Variants in SYPL2 observed in about 807,000 individuals in gnomAD.
The protein encoded by SYPL2 is synaptophysin like 2, also known as synaptophysin-like protein 2.
SYPL2 carries 24 observed loss-of-function variants against 31.3 expected under a neutral mutation model. That is an observed-to-expected ratio of 0.77 (90% CI 0.56 to 1.08). SYPL2 has a LOEUF of 1.08. SYPL2 is among the 50% of genes least tolerant of loss of function. The pLI, the probability that SYPL2 is intolerant of heterozygous loss-of-function variation, is 0.00. For missense variants in SYPL2, 342 were observed against 360.1 expected (o/e 0.95, Z 0.41); for synonymous variants, 144 against 143.1 (o/e 1.01, Z -0.05).
chr1:109,479,368 G>A lies in SYPL2; in HGVS notation c.649-10G>A. On this transcript the variant is annotated splice_polypyrimidine_tract_variant and intron_variant, in intron 5 of 5. Transcript: ENST00000369872. ...GACTATTCTCACAAATTCCCCTGAT[G>A]TCTTTGCAGCTCTTTGGCTTTATCA... is the stretch of plus-strand genomic sequence containing the variant. 1 of 1,613,302 alleles carries A rather than the reference G, an allele frequency of 6.2e-7. No individual in the cohort carries two copies. The highest frequency in any genetic ancestry group is 8.5e-7 in the Non-Finnish European group (1 of 1,179,442).
In SYPL2 at chr1:109,466,751, C is replaced by G; in HGVS notation, c.-93C>G. On this transcript the variant is annotated 5_prime_UTR_variant, in exon 1 of 6. Transcript: ENST00000369872. ...CCGGCCCCGCTCGCCTGCTCTGCCC[C>G]GGACCTGCAGCTCCCCGCTCCCCCG... The G allele has an allele frequency of 6.6e-6, 9 of 1,362,152 alleles. No homozygotes were observed. The highest frequency in any genetic ancestry group is 8.6e-6 in the Non-Finnish European group (9 of 1,048,256). The allele number at this position is 1,362,152 out of a possible 1,614,324, so 84.4% of individuals were successfully genotyped here. A position where few individuals can be genotyped will look rare whatever the true frequency, so the allele number is the denominator to read the frequency against.
In SYPL2 at chr1:109,480,151, G is replaced by C. The variant is rs1656120927; in HGVS notation, c.*603G>C. On this transcript the variant is annotated 3_prime_UTR_variant, in exon 6 of 6. Coordinates refer to ENST00000369872, the MANE Select transcript of SYPL2 (RefSeq NM_001040709.2). ...ATGTGTGAACCAGAGAGGTCCACCA[G>C]CCTAGAAAACAGCCCTTCAGAGGGT... 6.6e-6 allele frequency: 1 copy of C among 152,384 alleles called. No homozygotes were observed. The highest frequency in any genetic ancestry group is 2.4e-5 in the African/African-American group (1 of 41,434). The allele number at this position is 152,384 out of a possible 1,614,324, so 9.4% of individuals were successfully genotyped here.
At position 109,477,889 on chromosome 1, in the gene SYPL2, C is replaced by G. The variant is rs376811687; in HGVS notation, c.528C>G (p.Thr176=). The change falls in exon 5 of 6, where the codon ACC becomes ACG. Residue 176 remains threonine, a synonymous_variant. Coordinates refer to ENST00000369872, the MANE Select transcript of SYPL2 (RefSeq NM_001040709.2). Reference sequence around the variant, plus strand: ...CAGCTGCCTGGGGCAAGGGCCTGACCGATGTCAAGGGGGCCACACGACCAT... The same window carrying G: ...CAGCTGCCTGGGGCAAGGGCCTGACGGATGTCAAGGGGGCCACACGACCAT... ...VAAAAWGKGL[T]DVKGATRPSS... is the part of the protein sequence containing the mutation. 124 of 1,614,052 alleles carry G rather than the reference C, an allele frequency of 7.7e-5. No individual in the cohort carries two copies. The highest frequency in any genetic ancestry group is 1.6e-4 in the Middle Eastern group (1 of 6,084).
At chr1:109,479,319 T>G in intron 5 of SYPL2, 59 bp from the exon 6 acceptor site, 3 of 1,579,786 alleles carry the variant, frequency 1.9e-6, no homozygotes, top group Non-Finnish European at 2.6e-6. Flanking sequence ...GAACTCCCCC[T>G]CCCTGTTCCC....
In SYPL2 at chr1:109,477,971, G is replaced by A. The variant is rs753507681; in HGVS notation, c.610G>A (p.Gly204Arg). Residue 204 changes from glycine (G) to arginine (R), a missense_variant, in exon 5 of 6, where the codon GGG (glycine) becomes AGG (arginine). Transcript: ENST00000369872. The stretch of plus-strand genomic sequence containing the variant: ...TGGAGAGGAAGCAGTGTGCAGTGCC[G>A]GGGCCACGCCCTCTATGGGCCTGGC... Reference protein sequence around the residue: ...CHGEEAVCSAGATPSMGLANI... With the variant: ...CHGEEAVCSARATPSMGLANI... The A allele has an allele frequency of 3.0e-5, 48 of 1,614,076 alleles. No individual in the cohort carries two copies. The highest frequency in any genetic ancestry group is 5.3e-5 in the African/African-American group (4 of 74,934).
At chr1:109,475,807 G>T in intron 3 of SYPL2, 102 bp downstream of exon 3, 2 of 1,474,724 alleles carry the variant, frequency 1.4e-6, no homozygotes, top group Non-Finnish European at 1.8e-6. Context: ...CATTCATTGC[G>T]TGCCACTCCA....
Position 109,475,719 on chromosome 1 carries a change from G to A in SYPL2, c.254+14G>A, listed in dbSNP as rs199626525. 1.7e-4 allele frequency: 281 copies of A among 1,610,722 alleles called. No individual in the cohort carries two copies. The highest frequency in any genetic ancestry group is 2.3e-4 in the Non-Finnish European group (271 of 1,177,556). On this transcript the variant is annotated intron_variant, in intron 3 of 5. Transcript: ENST00000369872. ...CTATCCCTTCAGGTGAGCAAGAATT[G>A]GTTCCAACCCAGCACATCATCTCTC...
chr1:109,479,266 C>G (rs994500658), intron 5 of SYPL2, 112 bp from the exon 6 acceptor site: 3 of 1,203,918 alleles, frequency 2.5e-6, no homozygotes, highest in Non-Finnish European at 3.6e-6. Flanking sequence ...TTCTAGTCCT[C>G]TGTGCTTCTT....
intron 3 of SYPL2, 86 bp downstream of exon 3, chr1:109,475,791 A>G (rs1237978491): frequency 2.6e-6 from 4 of 1,533,852 alleles, no homozygotes; most frequent in African/African-American, 1.4e-5. Context: ...CCAGAAACCT[A>G]AAAACCATTC....
In SYPL2 at chr1:109,481,121, A is replaced by G. The variant is rs74805910; in HGVS notation, c.*1573A>G. ...CTCTCTAAACACCATCCATAGTAAC[A>G]TGTGCATTACTGGGGTACCTAGGAG... On this transcript the variant is annotated 3_prime_UTR_variant, in exon 6 of 6. Transcript: ENST00000369872. 1,016 of 152,726 alleles carry G rather than the reference A, an allele frequency of 6.7e-3. 11 individuals carry two copies. The highest frequency in any genetic ancestry group is 0.018 in the African/African-American group (748 of 41,546). The allele number at this position is 152,726 out of a possible 1,614,324, so 9.5% of individuals were successfully genotyped here.
At position 109,477,081 on chromosome 1, in the gene SYPL2, C is replaced by G. The variant is rs574274999; in HGVS notation, c.456+104C>G. ...GGACAAGCATGGCGGCTTCCACCCC[C>G]ATGGTGGAACCTCTGCCTCCATCAA... On this transcript the variant is annotated intron_variant, in intron 4 of 5. Coordinates refer to ENST00000369872, the MANE Select transcript of SYPL2 (RefSeq NM_001040709.2). 4.4e-6 allele frequency: 6 copies of G among 1,351,352 alleles called. No individual in the cohort carries two copies. In the African/African-American group the frequency reaches 7.2e-5, roughly 16 times the overall value. The allele number at this position is 1,351,352 out of a possible 1,614,324, so 83.7% of individuals were successfully genotyped here.
At chr1:109,471,841 G>C (rs918895384) in intron 2 of SYPL2, among the ~76,000 whole-genome samples, 6 of 151,738 alleles carry the variant, frequency 4.0e-5, no homozygotes, top group Non-Finnish European at 8.8e-5. Flanking sequence ...TCAGCAGCTG[G>C]GACTACAGGC....
intron 2 of SYPL2, among the ~76,000 whole-genome samples, chr1:109,471,293 G>A (rs1655825222): frequency 6.6e-6 from 1 of 152,164 alleles, no homozygotes; most frequent in African/African-American, 2.4e-5. Flanking sequence ...ACTGTATAGT[G>A]TTCAGATTTA....
rs1348655670 is a variant in SYPL2, at chr1:109,478,205, C to G, written c.648+196C>G. ...AGAGGACATTTTGGGATGAGGGGAA[C>G]CCAAAAGCCACTTAGCCTTCTGTTC... On this transcript the variant is annotated intron_variant, in intron 5 of 5. Transcript: ENST00000369872. The surrounding 1 kb of genome is among the most constrained non-coding windows in gnomAD (Gnocchi z 4.0). 3.9e-6 allele frequency: 5 copies of G among 1,273,174 alleles called. No homozygotes were observed. Among genetic ancestry groups the G allele is most frequent in the Non-Finnish European group, 5.2e-6 (5 of 954,002 alleles). 78.9% of individuals were successfully genotyped at this position (1,273,174 alleles called of 1,614,324 possible).
chr1:109,467,066 G>A lies in SYPL2; in HGVS notation c.62G>A (p.Arg21His). The A allele has an allele frequency of 6.5e-7, 1 of 1,545,130 alleles. No individual in the cohort carries two copies. The highest frequency in any genetic ancestry group is 8.7e-7 in the Non-Finnish European group (1 of 1,146,032). ...CCGGCTGTGTCTCCGCAGGTGGACC[G>A]CCTACTCGTGGGGCTGCGCTGGCGG... is the stretch of plus-strand genomic sequence containing the variant. ...ADKSPRQQVD[R>H]LLVGLRWRRL... is the part of the protein sequence containing the mutation. The change falls in exon 2 of 6, where the codon CGC becomes CAC. Residue 21 changes from arginine (R) to histidine (H), a missense_variant. Arg to His is a conservative substitution (Grantham distance 29, BLOSUM62 0). Transcript: ENST00000369872.
chr1:109,476,574 T>C (rs1269982118), intron 3 of SYPL2, among the ~76,000 whole-genome samples: 1 of 152,160 alleles, frequency 6.6e-6, no homozygotes, highest in African/African-American at 2.4e-5. Context: ...GGGGAGCAGC[T>C]GAGGGGAAGG....
rs978829040 is a variant in SYPL2, at chr1:109,466,789, C to T, written c.-55C>T. ...CCCCGCTCCCCCGCCGTGTCCGCCGCCTCCCGGCCAGAGAGCCAAGCCACC... is the reference window on the plus strand; with the variant it reads ...CCCCGCTCCCCCGCCGTGTCCGCCGTCTCCCGGCCAGAGAGCCAAGCCACC... On this transcript the variant is annotated 5_prime_UTR_variant, in exon 1 of 6. Transcript: ENST00000369872. The T allele has an allele frequency of 1.4e-5, 20 of 1,477,196 alleles. No individual in the cohort carries two copies. In the African/African-American group the frequency reaches 2.5e-4, roughly 18 times the overall value. The allele number at this position is 1,477,196 out of a possible 1,614,324, so 91.5% of individuals were successfully genotyped here.
In SYPL2 at chr1:109,476,770, C is replaced by A; in HGVS notation, c.255-6C>A. 1.2e-6 allele frequency: 2 copies of A among 1,613,812 alleles called. No individual in the cohort carries two copies. Among genetic ancestry groups the A allele is most frequent in the African/African-American group, 1.3e-5 (1 of 75,048 alleles). ...AGCTCAGGATGGCCTCCCCTGCCAC[C>A]TGCAGGTTGCACCGGATCCAATATG... is the stretch of plus-strand genomic sequence containing the variant. On this transcript the variant is annotated splice_region_variant and splice_polypyrimidine_tract_variant and intron_variant, in intron 3 of 5. Transcript: ENST00000369872.
intron 2 of SYPL2, 86 bp downstream of exon 2, chr1:109,467,219 G>A: frequency 7.9e-7 from 1 of 1,270,484 alleles, no homozygotes; most frequent in African/African-American, 1.5e-5. Context: ...TGGGGGCTGG[G>A]GAGGTGCTGC....
Sources: gnomAD v4.1 joint callset for allele counts (sites outside exome capture counted in the v4.1 genomes callset) on GRCh38, gnomAD v4.1.1 for gene constraint, Gnocchi (gnomAD v3.1) non-coding constraint, MANE v1.5 for transcripts, NCBI Gene and HGNC (gene_info 2026-07-23, HGNC 2026-07-21) for gene names.